Variants in TBC1D9 observed in about 807,000 individuals in gnomAD.
TBC1D9 encodes the protein TBC1 domain family member 9, also known as TBC1 domain family member 9A.
A neutral mutation model predicts 132.0 loss-of-function variants in TBC1D9; 63 were observed. The ratio of observed to expected loss-of-function variants is 0.48; its 90% CI spans 0.39 to 0.59. The LOEUF (loss-of-function observed/expected upper bound fraction) is 0.59. TBC1D9 is among the 20% of genes least tolerant of loss of function. The pLI, the probability that TBC1D9 is intolerant of heterozygous loss-of-function variation, is 0.00. For missense variants in TBC1D9, 1,261 were observed against 1,592.7 expected, an observed-to-expected ratio of 0.79 and a Z score of 3.54; for synonymous variants, 610 against 609.9, an observed-to-expected ratio of 1.00 and a Z score of 0.00.
At chr4:140,723,932 A>G (rs1016364606) in intron 1 of TBC1D9, among the ~76,000 whole-genome samples, 1 of 152,000 alleles carries the variant, frequency 6.6e-6, no homozygotes, top group Non-Finnish European at 1.5e-5. Context: ...TTATAGAGAC[A>G]AAGTCTGACT....
chr4:140,752,300 G>A (rs1738938353), intron 1 of TBC1D9, among the ~76,000 whole-genome samples: 1 of 151,998 alleles, frequency 6.6e-6, no homozygotes, highest in African/African-American at 2.4e-5. Context: ...ACACAAGGCT[G>A]AGCAAAAGAA....
At chr4:140,693,061 G>A (rs562874284) in intron 2 of TBC1D9, among the ~76,000 whole-genome samples, 1 of 151,750 alleles carries the variant, frequency 6.6e-6, no homozygotes, top group Admixed American at 6.6e-5. Context: ...CAAAAAAACT[G>A]TCAAACATAT....
chr4:140,739,634 T>C (rs1399834811), intron 1 of TBC1D9, among the ~76,000 whole-genome samples: 1 of 152,214 alleles, frequency 6.6e-6, no homozygotes, highest in Non-Finnish European at 1.5e-5. Context: ...GTCTATATAT[T>C]GTCTATGCTA....
chr4:140,744,379 T>A (rs1365229855), intron 1 of TBC1D9, among the ~76,000 whole-genome samples: 1 of 152,180 alleles, frequency 6.6e-6, no homozygotes, highest in Non-Finnish European at 1.5e-5. Flanking sequence ...CAGGCCATGA[T>A]GGGAAGGTGG....
At chr4:140,644,009 G>T (rs962592256) in intron 13 of TBC1D9, 2 of 511,950 alleles carry the variant, frequency 3.9e-6, no homozygotes, top group Admixed American at 5.2e-5. Flanking sequence ...GCGGCTCTGG[G>T]ATCTTGGAGG....
chr4:140,660,945 T>C (rs530573111), intron 10 of TBC1D9, among the ~76,000 whole-genome samples: 26 of 151,898 alleles, frequency 1.7e-4, no homozygotes, highest in East Asian at 3.9e-4. Context: ...GACGGAGTCT[T>C]GCTCTGTCGC....
intron 1 of TBC1D9, among the ~76,000 whole-genome samples, chr4:140,707,508 C>T (rs948634655): frequency 4.6e-5 from 7 of 152,176 alleles, no homozygotes; most frequent in African/African-American, 1.4e-4. Flanking sequence ...TTACTATCTG[C>T]GAAGATGGTA....
In TBC1D9 at chr4:140,624,358, C is replaced by T; in HGVS notation, c.2930G>A (p.Gly977Asp). 5 of 1,613,782 alleles carry T rather than the reference C, an allele frequency of 3.1e-6. No homozygotes were observed. The highest frequency in any genetic ancestry group is 4.2e-6 in the Non-Finnish European group (5 of 1,179,840). ...VVGLDSRSKQ[G>D]ADDGFVTVSL... ...CACCGTAACAAAGCCATCATCTGCA[C>T]CCTGTTTGCTTCTGCTATCCAATCC... Residue 977 changes from glycine (G) to aspartate (D), a missense_variant, in exon 19 of 21, where the codon GGT (glycine) becomes GAT (aspartate). Gly to Asp is a moderately conservative substitution (Grantham distance 94). Transcript: ENST00000442267.
rs1470435122 is a variant in TBC1D9 at position 140,669,822 on chromosome 4, A to C, written c.1267-18T>G. ...GAGTACACCTGTCAATACAGAGAGGAACAAGACATTGGGAGGACACGGGCA... is the reference window on the plus strand; with the variant it reads ...GAGTACACCTGTCAATACAGAGAGGCACAAGACATTGGGAGGACACGGGCA... On this transcript the variant is annotated intron_variant, in intron 7 of 20. Coordinates refer to ENST00000442267, the MANE Select transcript of TBC1D9 (RefSeq NM_015130.3). 6.3e-7 allele frequency: 1 copy of C among 1,598,938 alleles called. No homozygotes were observed. Among genetic ancestry groups the C allele is most frequent in the Non-Finnish European group, 8.6e-7 (1 of 1,167,778 alleles).
intron 17 of TBC1D9, 122 bp from the exon 18 acceptor site, chr4:140,627,649 G>A: frequency 1.5e-6 from 1 of 665,474 alleles, no homozygotes; most frequent in Non-Finnish European, 2.6e-6. Flanking sequence ...AAGGTGGGAT[G>A]GGGCCTTGAG....
In TBC1D9 at chr4:140,756,079, C is replaced by T. The variant is rs1739009958; in HGVS notation, c.-34G>A. On this transcript the variant is annotated 5_prime_UTR_variant, in exon 1 of 21. Coordinates refer to ENST00000442267, the MANE Select transcript of TBC1D9 (RefSeq NM_015130.3). This position sits in a 1 kb window ranked among gnomAD's most constrained non-coding sequence, Gnocchi z 5.6. ...CTGCCGCGGGCGGGCGCACAATGGG[C>T]CCGTGGGTCCAGTCCTGCACCCACC... The T allele has an allele frequency of 6.3e-7, 1 of 1,591,966 alleles. No homozygotes were observed. Among genetic ancestry groups the T allele is most frequent in the Non-Finnish European group, 8.6e-7 (1 of 1,168,050 alleles).
intron 1 of TBC1D9, among the ~76,000 whole-genome samples, chr4:140,749,449 G>C (rs1189965154): frequency 1.3e-5 from 2 of 152,062 alleles, no homozygotes; most frequent in Non-Finnish European, 2.9e-5. Context: ...CTTAATAAAA[G>C]AGCAGATTTA....
chr4:140,754,388 C>A (rs57429429), intron 1 of TBC1D9, among the ~76,000 whole-genome samples: 1 of 151,824 alleles, frequency 6.6e-6, no homozygotes, highest in East Asian at 1.9e-4. Context: ...CCAAAGTGGG[C>A]GGATTATTTG....
At chr4:140,693,808 C>T (rs1737911405) in intron 2 of TBC1D9, among the ~76,000 whole-genome samples, 1 of 152,130 alleles carries the variant, frequency 6.6e-6, no homozygotes, top group South Asian at 2.1e-4. Flanking sequence ...ATGCCTAGGC[C>T]CTCTTGTGTA....
intron 1 of TBC1D9, among the ~76,000 whole-genome samples, chr4:140,709,248 TCACACACACACACACACA>T (rs36222926): frequency 2.9e-5 from 3 of 104,148 alleles, no homozygotes; most frequent in African/African-American, 1.3e-4. Context: ...TCTCTCTCTC[TCACACACACACACACACA>T]CACACACACA....
At chr4:140,634,281 G>A (rs1736843249) in intron 15 of TBC1D9, 93 bp from the exon 16 acceptor site, 1 of 1,517,908 alleles carries the variant, frequency 6.6e-7, no homozygotes, top group African/African-American at 1.4e-5. Flanking sequence ...GGCTTTAGGT[G>A]AATCTGTGTG....
chr4:140,677,219 C>T (rs920971649), intron 5 of TBC1D9, 118 bp from the exon 6 acceptor site: 2 of 1,145,814 alleles, frequency 1.7e-6, no homozygotes, highest in Non-Finnish European at 2.5e-6. Flanking sequence ...AGACTCATCC[C>T]CCGCTTCTCA....
intron 1 of TBC1D9, among the ~76,000 whole-genome samples, chr4:140,731,599 G>A (rs1193771934): frequency 1.3e-5 from 2 of 151,938 alleles, no homozygotes; most frequent in African/African-American, 4.8e-5. Context: ...TTTCCAAGCT[G>A]TTGCGTGTCT....
intron 10 of TBC1D9, among the ~76,000 whole-genome samples, chr4:140,660,890 C>G (rs1737346320): frequency 6.6e-6 from 1 of 151,494 alleles, no homozygotes; most frequent in Non-Finnish European, 1.5e-5. Flanking sequence ...GGGAAGGCCT[C>G]TACAATGATA....
Sources: allele counts gnomAD v4.1 joint callset (sites outside exome capture counted in the v4.1 genomes callset), GRCh38; gene constraint gnomAD v4.1.1; non-coding constraint Gnocchi (gnomAD v3.1); transcripts MANE v1.5; gene names NCBI Gene and HGNC (gene_info 2026-07-23, HGNC 2026-07-21).